Variants in UBE4A observed in about 807,000 individuals in gnomAD.
UBE4A encodes ubiquitination factor E4A.
A neutral mutation model predicts 117.9 loss-of-function variants in UBE4A; 48 were observed. That is an observed-to-expected ratio of 0.41 (90% CI 0.32 to 0.52). The LOEUF (loss-of-function observed/expected upper bound fraction) is 0.52, where lower values mean the gene tolerates loss of function less well. Ranked by LOEUF, UBE4A falls within the 20% of genes least tolerant of loss-of-function variation. UBE4A has a pLI of 0.33. For synonymous variants in UBE4A, 407 were observed against 450.0 expected (o/e 0.90, Z 1.21); for missense variants, 1,067 against 1,296.3 (o/e 0.82, Z 2.72).
At chr11:118,372,271 C>A (rs901920023) in intron 5 of UBE4A, among the ~76,000 whole-genome samples, 9 of 152,124 alleles carry the variant, frequency 5.9e-5, no homozygotes, top group African/African-American at 1.9e-4. Flanking sequence ...CAGAAAAGGG[C>A]TCATGAATTC....
At chr11:118,377,162 A>G (rs1283438466) in intron 10 of UBE4A, among the ~76,000 whole-genome samples, 2 of 152,222 alleles carry the variant, frequency 1.3e-5, no homozygotes, top group African/African-American at 2.4e-5. Flanking sequence ...CTTGTGTTTC[A>G]TGAATCAGCT....
intron 1 of UBE4A, among the ~76,000 whole-genome samples, chr11:118,360,691 T>G (rs940117230): frequency 1.3e-5 from 2 of 152,220 alleles, no homozygotes; most frequent in African/African-American, 4.8e-5. Flanking sequence ...ACTTGTGTGT[T>G]CATGAGAGCT....
At chr11:118,361,593 A>G (rs552962551) in intron 1 of UBE4A, among the ~76,000 whole-genome samples, 1 of 152,330 alleles carries the variant, frequency 6.6e-6, no homozygotes, top group East Asian at 1.9e-4. Flanking sequence ...TACGTGTGAA[A>G]AAGATGAGCT....
chr11:118,375,209 T>C lies in UBE4A; in HGVS notation c.1430T>C (p.Ile477Thr). The C allele has an allele frequency of 6.2e-7, 1 of 1,608,798 alleles. No homozygotes were observed. The highest frequency in any genetic ancestry group is 8.5e-7 in the Non-Finnish European group (1 of 1,176,404). The change falls in exon 9 of 20, where the codon ATT becomes ACT. Residue 477 changes from isoleucine (I) to threonine (T), a missense_variant. Around this residue, in one of 3 missense-constraint regions of UBE4A, gnomAD observed 1,001 missense variants for 1,184.0 expected, o/e 0.85. Coordinates refer to ENST00000252108, the MANE Select transcript of UBE4A (RefSeq NM_001204077.2). ...LKELNDEERK[I>T]KNVHMRGLDK... is the part of the protein sequence containing the mutation. The stretch of plus-strand genomic sequence containing the variant: ...GAGTTGAATGATGAAGAACGAAAAA[T>C]TAAAAATGTACACATGAGAGGTAGG...
rs149747457 is a variant in UBE4A, at chr11:118,398,092, A to G, written c.*1652A>G. 1.5e-4 allele frequency: 23 copies of G among 152,676 alleles called. No homozygotes were observed. The highest frequency in any genetic ancestry group is 5.5e-4 in the African/African-American group (23 of 41,550). The allele number at this position is 152,676 out of a possible 1,614,324, so 9.5% of individuals were successfully genotyped here. ...TCCTCCTTTCCCTCTCTGAGAATGAACTATGTATAAAATAAGCTTCTGCCT... is the reference window on the plus strand; with the variant it reads ...TCCTCCTTTCCCTCTCTGAGAATGAGCTATGTATAAAATAAGCTTCTGCCT... On this transcript the variant is annotated 3_prime_UTR_variant, in exon 20 of 20. Coordinates refer to ENST00000252108, the MANE Select transcript of UBE4A (RefSeq NM_001204077.2).
In UBE4A at chr11:118,384,947, TAAAAAAAAAA is replaced by T; in HGVS notation, c.2412+14_2412+23del. 9.4e-7 allele frequency: 1 copy of T among 1,066,274 alleles called. No individual in the cohort carries two copies. Among genetic ancestry groups the T allele is most frequent in the Non-Finnish European group, 1.3e-6 (1 of 774,992 alleles). The allele number at this position is 1,066,274 out of a possible 1,614,324, so 66.1% of individuals were successfully genotyped here. The stretch of plus-strand genomic sequence containing the variant: ...TTCCTTTTGGATGAAGCCATACAGG[TAAAAAAAAAA>T]AAAAAAAAAAAGATTTAACTTCTCC... On this transcript the variant is annotated splice_donor_5th_base_variant and intron_variant, in intron 15 of 19. Coordinates refer to ENST00000252108, the MANE Select transcript of UBE4A (RefSeq NM_001204077.2).
At chr11:118,390,389 ATAT>A (rs1238165696) in intron 17 of UBE4A, among the ~76,000 whole-genome samples, 2 of 145,206 alleles carry the variant, frequency 1.4e-5, no homozygotes, top group Non-Finnish European at 3.0e-5. Context: ...TATTTAATAT[ATAT>A]TATTTATAAT....
chr11:118,390,818 G>T lies in UBE4A; in HGVS notation c.2916+14G>T, dbSNP rs1235662000. On this transcript the variant is annotated intron_variant, in intron 18 of 19. Coordinates refer to ENST00000252108, the MANE Select transcript of UBE4A (RefSeq NM_001204077.2). Reference sequence around the variant, plus strand: ...GAGAGAATCAAGGTGAGGAAGAGGAGGAATTGTTTGCTGATTTCATTAAGA... The same window carrying T: ...GAGAGAATCAAGGTGAGGAAGAGGATGAATTGTTTGCTGATTTCATTAAGA... The T allele has an allele frequency of 6.2e-7, 1 of 1,608,748 alleles. No homozygotes were observed. Among genetic ancestry groups the T allele is most frequent in the Admixed American group, 1.7e-5 (1 of 59,850 alleles).
rs1468966486 is a variant in UBE4A at position 118,397,454 on chromosome 11, C to G, written c.*1014C>G. ...TGTATATAGTTAATATTTGTTTGAG[C>G]TTGTGACCTGACTTCTAAGAGCTAC... is the stretch of plus-strand genomic sequence containing the variant. On this transcript the variant is annotated 3_prime_UTR_variant, in exon 20 of 20. Transcript: ENST00000252108. The G allele has an allele frequency of 6.6e-6, 1 of 152,276 alleles. No homozygotes were observed. The highest frequency in any genetic ancestry group is 1.9e-4 in the East Asian group (1 of 5,192). 9.4% of individuals were successfully genotyped at this position (152,276 alleles called of 1,614,324 possible). A position where few individuals can be genotyped will look rare whatever the true frequency, so the allele number is the denominator to read the frequency against.
chr11:118,393,406 C>A (rs781845959), intron 19 of UBE4A, among the ~76,000 whole-genome samples: 2 of 152,120 alleles, frequency 1.3e-5, no homozygotes, highest in Non-Finnish European at 2.9e-5. Flanking sequence ...TCAGGTGATC[C>A]TCCTACCTCA....
At chr11:118,371,175 AT>A (rs1948605420) in intron 4 of UBE4A, among the ~76,000 whole-genome samples, 1 of 152,242 alleles carries the variant, frequency 6.6e-6, no homozygotes, top group Non-Finnish European at 1.5e-5. Context: ...GAGTATCTTT[AT>A]ATAAGTCTGA....
intron 19 of UBE4A, 49 bp from the exon 20 acceptor site, chr11:118,396,265 G>C (rs782750097): frequency 1.3e-6 from 2 of 1,583,574 alleles, no homozygotes; most frequent in South Asian, 2.3e-5. Flanking sequence ...GGCTTAGAAT[G>C]TTAGAACTTA....
chr11:118,392,503 C>G (rs1948828660), intron 18 of UBE4A, among the ~76,000 whole-genome samples: 1 of 152,204 alleles, frequency 6.6e-6, no homozygotes, highest in South Asian at 2.1e-4. Flanking sequence ...TCCAGTATGA[C>G]TGCCAGCAGC....
rs5795126 is a variant in UBE4A, at chr11:118,396,547, CTTTTTTT to C, written c.*119_*125del. On this transcript the variant is annotated 3_prime_UTR_variant, in exon 20 of 20. Transcript: ENST00000252108. ...TCCTTTTCTTTCTTCTTTTCTTTTTCTTTTTTTTTTTTTTTTTTACTAAATTAGAGAA... is the reference window on the plus strand; with the variant it reads ...TCCTTTTCTTTCTTCTTTTCTTTTTCTTTTTTTTTTTACTAAATTAGAGAA... The C allele has an allele frequency of 7.3e-6, 6 of 817,252 alleles. No homozygotes were observed. The highest frequency in any genetic ancestry group is 2.3e-5 in the South Asian group (1 of 43,908). 50.6% of individuals were successfully genotyped at this position (817,252 alleles called of 1,614,324 possible).
rs5795126 is a variant in UBE4A, at chr11:118,396,547, C to CTTT, written c.*123_*125dup. 574 of 817,132 alleles carry CTTT rather than the reference C, an allele frequency of 7.0e-4. No homozygotes were observed. Among genetic ancestry groups the CTTT allele is most frequent in the East Asian group, 1.2e-3 (24 of 19,694 alleles). 50.6% of individuals were successfully genotyped at this position (817,132 alleles called of 1,614,324 possible). ...TCCTTTTCTTTCTTCTTTTCTTTTT[C>CTTT]TTTTTTTTTTTTTTTTTTACTAAAT... On this transcript the variant is annotated 3_prime_UTR_variant, in exon 20 of 20. Coordinates refer to ENST00000252108, the MANE Select transcript of UBE4A (RefSeq NM_001204077.2).
rs1030906344 is a variant in UBE4A at position 118,384,698 on chromosome 11, A to G, written c.2261A>G (p.Tyr754Cys). The G allele has an allele frequency of 6.2e-7, 1 of 1,614,022 alleles. No individual in the cohort carries two copies. Among genetic ancestry groups the G allele is most frequent in the Non-Finnish European group, 8.5e-7 (1 of 1,180,030 alleles). Residue 754 changes from tyrosine (Y) to cysteine (C), a missense_variant, in exon 14 of 20, where the codon TAC (tyrosine) becomes TGC (cysteine). Physicochemically the swap from Tyr to Cys is radical, Grantham distance 194. Coordinates refer to ENST00000252108, the MANE Select transcript of UBE4A (RefSeq NM_001204077.2). ...CGTCCCATGTATCCTATCCTAAGAT[A>G]CATGTGGGGGACAGATACCTATCGG... is the stretch of plus-strand genomic sequence containing the variant. The part of the protein sequence containing the change: ...YRRPMYPILR[Y>C]MWGTDTYRES...
chr11:118,372,791 A>T (rs1948619756), intron 6 of UBE4A, 125 bp downstream of exon 6: 3 of 1,392,050 alleles, frequency 2.2e-6, no homozygotes, highest in Non-Finnish European at 3.0e-6. Flanking sequence ...GAGGGCTCAC[A>T]TCTTGATCTT....
chr11:118,381,030 G>A (rs1948700883), intron 11 of UBE4A, among the ~76,000 whole-genome samples: 1 of 152,086 alleles, frequency 6.6e-6, no homozygotes, highest in East Asian at 1.9e-4. Flanking sequence ...ATCATTGGAG[G>A]ACCATCCTGG....
At chr11:118,374,430 A>C (rs1248197096) in intron 8 of UBE4A, among the ~76,000 whole-genome samples, 1 of 152,252 alleles carries the variant, frequency 6.6e-6, no homozygotes, top group Non-Finnish European at 1.5e-5. Flanking sequence ...TCCCCTAATC[A>C]TTAATCATTA....
Sources: gnomAD v4.1 joint callset for allele counts (sites outside exome capture counted in the v4.1 genomes callset) on GRCh38, gnomAD v4.1.1 for gene constraint, gnomAD v4.1.1 regional missense constraint, MANE v1.5 for transcripts, NCBI Gene and HGNC (gene_info 2026-07-23, HGNC 2026-07-21) for gene names.